Variants in VAX1 observed in about 807,000 individuals in gnomAD.
VAX1 encodes the protein ventral anterior homeobox 1.
Under a neutral mutation model 17.6 loss-of-function variants are expected in VAX1, and 6 were observed. The ratio of observed to expected loss-of-function variants is 0.34; its 90% CI spans 0.19 to 0.67. The LOEUF (loss-of-function observed/expected upper bound fraction) is 0.67. Among genes scored for constraint, VAX1 ranks in the 30% least tolerant of loss-of-function variants. The probability of loss-of-function intolerance (pLI) is 0.69; values close to 1 mark genes in which losing one functional copy is unlikely to be tolerated. For synonymous variants in VAX1, 256 were observed against 227.4 expected (o/e 1.13, Z -1.13); for missense variants, 408 against 463.7 (o/e 0.88, Z 1.10).
Position 117,138,110 on chromosome 10 carries a change from AGGGGGGGGGGCGGAGAAGG to A in VAX1, c.-73_-55del. 7.3e-5 allele frequency: 9 copies of A among 123,340 alleles called. No individual in the cohort carries two copies. The highest frequency in any genetic ancestry group is 1.2e-4 in the Non-Finnish European group (9 of 76,696). 7.6% of individuals were successfully genotyped at this position (123,340 alleles called of 1,614,324 possible). A position where few individuals can be genotyped will look rare whatever the true frequency, so the allele number is the denominator to read the frequency against. Reference sequence around the variant, plus strand: ...GAAAAAAAAAGCAAAAAAAAAAAAAAGGGGGGGGGGCGGAGAAGGAAAAAAAAAAGAGGAAAAAGGGGAC... The same window carrying A: ...GAAAAAAAAAGCAAAAAAAAAAAAAAAAAAAAAAAAGAGGAAAAAGGGGAC... On this transcript the variant is annotated 5_prime_UTR_variant, in exon 1 of 3. Transcript: ENST00000369206.
At position 117,136,368 on chromosome 10, in the gene VAX1, G is replaced by A; in HGVS notation, c.429+104C>T. 1 of 1,410,346 alleles carries A rather than the reference G, an allele frequency of 7.1e-7. No individual in the cohort carries two copies. Among genetic ancestry groups the A allele is most frequent in the Non-Finnish European group, 9.7e-7 (1 of 1,033,772 alleles). 87.4% of individuals were successfully genotyped at this position (1,410,346 alleles called of 1,614,324 possible). A position where few individuals can be genotyped will look rare whatever the true frequency, so the allele number is the denominator to read the frequency against. On this transcript the variant is annotated intron_variant, in intron 2 of 2. Transcript: ENST00000369206. This position sits in a 1 kb window ranked among gnomAD's most constrained non-coding sequence, Gnocchi z 5.0. ...CCTTCCCATCTCCTCCACCTCCCAA[G>A]GGTAGTTCTGTCCAGAGCAGGTTAG...
chr10:117,132,075 T>TA (rs1180631917), downstream of VAX1: 4 of 875,014 alleles, frequency 4.6e-6, no homozygotes, highest in African/African-American at 5.1e-5. This position sits in a 1 kb window ranked among gnomAD's most constrained non-coding sequence, Gnocchi z 4.9. Context: ...GAGGGACAGA[T>TA]AGAGAAATCG....
Position 117,133,695 on chromosome 10 carries a change from T to A in VAX1, c.*313A>T, listed in dbSNP as rs1854122627. 3 of 1,092,740 alleles carry A rather than the reference T, an allele frequency of 2.7e-6. No individual in the cohort carries two copies. Among genetic ancestry groups the A allele is most frequent in the Non-Finnish European group, 3.3e-6 (3 of 900,760 alleles). 67.7% of individuals were successfully genotyped at this position (1,092,740 alleles called of 1,614,324 possible). ...TGCTTTGGAGTTAGAACCAGTCTTT[T>A]CCCTCCTGGGCTGGGCACGGGGTCA... On this transcript the variant is annotated 3_prime_UTR_variant, in exon 3 of 3. Transcript: ENST00000369206.
chr10:117,132,586 A>C, downstream of VAX1: 1 of 1,298,418 alleles, frequency 7.7e-7, no homozygotes, highest in Non-Finnish European at 1.1e-6. This position sits in a 1 kb window ranked among gnomAD's most constrained non-coding sequence, Gnocchi z 4.9. Context: ...AGATGGATGA[A>C]TACATTCTAG....
rs1033407835 is a variant in VAX1 at position 117,136,977 on chromosome 10, G to T, written c.242-318C>A. Among the ~76,000 whole-genome samples, 7 of 151,954 alleles carry T rather than the reference G, an allele frequency of 4.6e-5. No individual in the cohort carries two copies. The highest frequency in any genetic ancestry group is 8.8e-5 in the Non-Finnish European group (6 of 67,944). On this transcript the variant is annotated intron_variant, in intron 1 of 2. Coordinates refer to ENST00000369206, the MANE Select transcript of VAX1 (RefSeq NM_001112704.2). The surrounding 1 kb of genome is among the most constrained non-coding windows in gnomAD (Gnocchi z 5.0). ...GGGGGGCCTCGGCTGAGCCTTCCGG[G>T]TCCCCTGTAGCCTGAGGGTACCCTT...
In VAX1 at chr10:117,137,398, C is replaced by T. The variant is rs1012841285; in HGVS notation, c.241+418G>A. Among the ~76,000 whole-genome samples, 2 of 152,194 alleles carry T rather than the reference C, an allele frequency of 1.3e-5. No homozygotes were observed. Among genetic ancestry groups the T allele is most frequent in the Admixed American group, 1.3e-4 (2 of 15,284 alleles). ...GTAGCCCGCGATCGGCAGCTGTTCT[C>T]CGGGGCTCGCGTTCCCCCTTGGGTG... On this transcript the variant is annotated intron_variant, in intron 1 of 2. Transcript: ENST00000369206. The surrounding 1 kb of genome is among the most constrained non-coding windows in gnomAD (Gnocchi z 7.4).
chr10:117,138,172 G>A lies in VAX1; in HGVS notation c.-116C>T. 2.6e-6 allele frequency: 3 copies of A among 1,159,114 alleles called. No individual in the cohort carries two copies. Among genetic ancestry groups the A allele is most frequent in the Non-Finnish European group, 3.5e-6 (3 of 846,980 alleles). 71.8% of individuals were successfully genotyped at this position (1,159,114 alleles called of 1,614,324 possible). A position where few individuals can be genotyped will look rare whatever the true frequency, so the allele number is the denominator to read the frequency against. ...AAGGGGACAAAACCCCCGACAACGCGGCCCGTACGCCCGGCCCGGCGACAG... is the reference window on the plus strand; with the variant it reads ...AAGGGGACAAAACCCCCGACAACGCAGCCCGTACGCCCGGCCCGGCGACAG... On this transcript the variant is annotated 5_prime_UTR_variant, in exon 1 of 3. Coordinates refer to ENST00000369206, the MANE Select transcript of VAX1 (RefSeq NM_001112704.2).
intron 2 of VAX1, among the ~76,000 whole-genome samples, chr10:117,135,719 C>G (rs575031677): frequency 2.5e-3 from 383 of 152,360 alleles, no homozygotes; most frequent in African/African-American, 8.7e-3. Flanking sequence ...CTTGGGTCCT[C>G]TCCTGGGCCC....
chr10:117,128,520 T>C (rs1854045320), downstream of VAX1: 1 of 152,236 alleles, frequency 6.6e-6, no homozygotes, highest in Admixed American at 6.5e-5. Flanking sequence ...AAATTTTATA[T>C]ATATTTTACA....
chr10:117,132,374 T>C, downstream of VAX1: 1 of 1,610,282 alleles, frequency 6.2e-7, no homozygotes, highest in Non-Finnish European at 8.5e-7. This position sits in a 1 kb window ranked among gnomAD's most constrained non-coding sequence, Gnocchi z 4.9. Flanking sequence ...ACCACATAAA[T>C]ACAAAACATC....
In VAX1 at chr10:117,137,727, T is replaced by C; in HGVS notation, c.241+89A>G. ...TCTCCCAAGTCCCAGCCGGCACTCCTTCCCACCGGCCTGTGTCGGCGGCAG... is the reference window on the plus strand; with the variant it reads ...TCTCCCAAGTCCCAGCCGGCACTCCCTCCCACCGGCCTGTGTCGGCGGCAG... On this transcript the variant is annotated intron_variant, in intron 1 of 2. Transcript: ENST00000369206. This position sits in a 1 kb window ranked among gnomAD's most constrained non-coding sequence, Gnocchi z 7.4. The C allele has an allele frequency of 6.3e-7, 1 of 1,597,320 alleles. No individual in the cohort carries two copies. Among genetic ancestry groups the C allele is most frequent in the Non-Finnish European group, 8.5e-7 (1 of 1,178,398 alleles).
intron 2 of VAX1, among the ~76,000 whole-genome samples, chr10:117,135,996 A>C (rs1338827651): frequency 6.6e-6 from 1 of 152,208 alleles, no homozygotes; most frequent in Non-Finnish European, 1.5e-5. Context: ...CCTGGGAATC[A>C]CCCATGGTGC....
downstream of VAX1, chr10:117,129,764 T>A (rs2133655571): frequency 6.6e-6 from 1 of 152,000 alleles, no homozygotes; most frequent in South Asian, 2.1e-4. Context: ...TTATAAATAA[T>A]CATTTTTAAG....
At position 117,136,465 on chromosome 10, in the gene VAX1, C is replaced by T. The variant is rs890989955; in HGVS notation, c.429+7G>A. 1.9e-6 allele frequency: 3 copies of T among 1,612,342 alleles called. No homozygotes were observed. Among genetic ancestry groups the T allele is most frequent in the South Asian group, 1.1e-5 (1 of 90,990 alleles). On this transcript the variant is annotated splice_region_variant and intron_variant, in intron 2 of 2. Coordinates refer to ENST00000369206, the MANE Select transcript of VAX1 (RefSeq NM_001112704.2). This position sits in a 1 kb window ranked among gnomAD's most constrained non-coding sequence, Gnocchi z 5.0. ...GCAGAACTGTGTGCGGCCTGGTCGC[C>T]GGGTACCTGGGTCTCGGAGAGGTTA...
chr10:117,133,318 C>A lies in VAX1; in HGVS notation c.*690G>T. ...TTTTACGTAGCAATTGCTTTTATTG[C>A]TGATTAGATCAAATTTATCAGTGTC... On this transcript the variant is annotated 3_prime_UTR_variant, in exon 3 of 3. Coordinates refer to ENST00000369206, the MANE Select transcript of VAX1 (RefSeq NM_001112704.2). 1 of 985,438 alleles carries A rather than the reference C, an allele frequency of 1.0e-6. No individual in the cohort carries two copies. Among genetic ancestry groups the A allele is most frequent in the Non-Finnish European group, 1.2e-6 (1 of 829,946 alleles). 61.0% of individuals were successfully genotyped at this position (985,438 alleles called of 1,614,324 possible). A position where few individuals can be genotyped will look rare whatever the true frequency, so the allele number is the denominator to read the frequency against.
In VAX1 at chr10:117,138,121, C is replaced by CAT. The variant is rs1854223640; in HGVS notation, c.-66_-65insAT. On this transcript the variant is annotated 5_prime_UTR_variant, in exon 1 of 3. The change creates a new upstream start codon in the 5' untranslated region. Transcript: ENST00000369206. ...CAAAAAAAAAAAAAAGGGGGGGGGG[C>CAT]GGAGAAGGAAAAAAAAAAGAGGAAA... is the stretch of plus-strand genomic sequence containing the variant. The CAT allele has an allele frequency of 8.6e-5, 2 of 23,164 alleles. No individual in the cohort carries two copies. Among genetic ancestry groups the CAT allele is most frequent in the Admixed American group, 1.8e-3 (2 of 1,126 alleles). The allele number at this position is 23,164 out of a possible 1,614,324, so 1.4% of individuals were successfully genotyped here.
In VAX1 at chr10:117,136,413, G is replaced by GT. The variant is rs1854179290; in HGVS notation, c.429+58dup. The GT allele has an allele frequency of 6.2e-7, 1 of 1,600,136 alleles. No homozygotes were observed. Among genetic ancestry groups the GT allele is most frequent in the Admixed American group, 1.7e-5 (1 of 59,434 alleles). The stretch of plus-strand genomic sequence containing the variant: ...GGTTAGGAGGTGAAGAGCAGGCTAG[G>GT]TAGGGGTGGTGGGGAGGAAGGCTGG... On this transcript the variant is annotated intron_variant, in intron 2 of 2. Coordinates refer to ENST00000369206, the MANE Select transcript of VAX1 (RefSeq NM_001112704.2). The surrounding 1 kb of genome is among the most constrained non-coding windows in gnomAD (Gnocchi z 5.0).
At chr10:117,130,666 A>G (rs1854073439), downstream of VAX1, 1 of 152,224 alleles carries the variant, frequency 6.6e-6, no homozygotes, top group Non-Finnish European at 1.5e-5. Context: ...TTGGGGAAGG[A>G]GGGAAAAGAA....
At chr10:117,130,004 C>T (rs936570351), downstream of VAX1, 11 of 150,744 alleles carry the variant, frequency 7.3e-5, no homozygotes, top group African/African-American at 2.7e-4. Flanking sequence ...ATGATCCAGA[C>T]ACTGTGGGCA....
Sources: gnomAD v4.1 joint callset for allele counts (sites outside exome capture counted in the v4.1 genomes callset) on GRCh38, gnomAD v4.1.1 for gene constraint, Gnocchi (gnomAD v3.1) non-coding constraint, MANE v1.5 for transcripts, NCBI Gene and HGNC (gene_info 2026-07-23, HGNC 2026-07-21) for gene names.